FAM135B: variants seen among roughly 807,000 people sequenced by gnomAD.
The protein encoded by FAM135B is protein FAM135B.
Under a neutral mutation model 127.7 loss-of-function variants are expected in FAM135B, and 43 were observed. That is an observed-to-expected ratio of 0.34 (90% CI 0.26 to 0.43). FAM135B has a LOEUF of 0.43. FAM135B is among the 20% of genes least tolerant of loss of function. The pLI, the probability that FAM135B is intolerant of heterozygous loss-of-function variation, is 1.00. For missense variants in FAM135B, 1,558 were observed against 1,725.6 expected, an observed-to-expected ratio of 0.90 and a Z score of 1.72; for synonymous variants, 670 against 665.1, an observed-to-expected ratio of 1.01 and a Z score of -0.11.
chr8:138,474,912 T>C (rs139761099), intron 1 of FAM135B, among the ~76,000 whole-genome samples: 1 of 152,238 alleles, frequency 6.6e-6, no homozygotes, highest in African/African-American at 2.4e-5. Context: ...AATAAAGTAA[T>C]TCACATACTA....
intron 2 of FAM135B, among the ~76,000 whole-genome samples, chr8:138,335,541 C>T (rs1332733272): frequency 6.6e-6 from 1 of 152,114 alleles, no homozygotes; most frequent in Non-Finnish European, 1.5e-5. Context: ...GGGATCAATT[C>T]AACAAGAAGA....
chr8:138,211,838 C>T (rs1332081208), intron 7 of FAM135B, among the ~76,000 whole-genome samples: 2 of 152,114 alleles, frequency 1.3e-5, no homozygotes, highest in Non-Finnish European at 2.9e-5. Context: ...GAGGCTGAGG[C>T]AGGTGGATCA....
At chr8:138,379,280 G>A (rs961562542) in intron 1 of FAM135B, among the ~76,000 whole-genome samples, 5 of 152,072 alleles carry the variant, frequency 3.3e-5, no homozygotes, top group Non-Finnish European at 5.9e-5. Flanking sequence ...TACCCTAATC[G>A]AATTTTAGTG....
chr8:138,182,430 C>T (rs372686400), intron 9 of FAM135B, among the ~76,000 whole-genome samples: 3 of 152,138 alleles, frequency 2.0e-5, no homozygotes, highest in African/African-American at 4.8e-5. Flanking sequence ...CTGCCATCCA[C>T]GCCTGCCACA....
chr8:138,497,465 C>T (rs1815441840), upstream of FAM135B, among the ~76,000 whole-genome samples: 1 of 152,102 alleles, frequency 6.6e-6, no homozygotes, highest in South Asian at 2.1e-4. Flanking sequence ...GCTCCCCTCT[C>T]GAGCCAAGAC....
intron 3 of FAM135B, among the ~76,000 whole-genome samples, chr8:138,296,112 G>C (rs1435159972): frequency 1.3e-5 from 2 of 152,136 alleles, no homozygotes; most frequent in African/African-American, 2.4e-5. Flanking sequence ...TTTCACTGTG[G>C]ACTGAGACTT....
At chr8:138,482,302 C>G (rs887463254) in intron 1 of FAM135B, among the ~76,000 whole-genome samples, 1 of 151,946 alleles carries the variant, frequency 6.6e-6, no homozygotes. Context: ...AAGTACGTGG[C>G]CACGAGGGCC....
chr8:138,203,907 T>G (rs1817355553), intron 7 of FAM135B, among the ~76,000 whole-genome samples: 1 of 152,124 alleles, frequency 6.6e-6, no homozygotes, highest in Non-Finnish European at 1.5e-5. Context: ...TAGATTCTCA[T>G]AAGGAATGGG....
intron 7 of FAM135B, among the ~76,000 whole-genome samples, chr8:138,233,099 C>T (rs747711485): frequency 6.6e-6 from 1 of 152,114 alleles, no homozygotes; most frequent in Non-Finnish European, 1.5e-5. Flanking sequence ...TATGGAATTA[C>T]AAATGATCTC....
intron 12 of FAM135B, 96 bp downstream of exon 12, chr8:138,167,799 G>A: frequency 7.4e-7 from 1 of 1,347,174 alleles, no homozygotes; most frequent in Non-Finnish European, 1.0e-6. Flanking sequence ...CATTAATTTG[G>A]TCTCACTTTT....
At chr8:138,337,512 C>T (rs958383605) in intron 2 of FAM135B, among the ~76,000 whole-genome samples, 5 of 151,678 alleles carry the variant, frequency 3.3e-5, no homozygotes, top group African/African-American at 1.2e-4. Context: ...TTCACAATTG[C>T]TTCAAAGAGA....
chr8:138,238,592 T>C (rs1252998472), intron 7 of FAM135B, among the ~76,000 whole-genome samples: 1 of 152,226 alleles, frequency 6.6e-6, no homozygotes, highest in Non-Finnish European at 1.5e-5. Flanking sequence ...AATCAGCTCG[T>C]ATTGCTATGA....
intron 1 of FAM135B, among the ~76,000 whole-genome samples, chr8:138,448,111 GA>G (rs36063170): frequency 0.018 from 2,596 of 141,532 alleles, 62 homozygotes; most frequent in East Asian, 0.079. Context: ...ACAGAGGTCA[GA>G]AAAAAAAAAA....
At chr8:138,383,743 T>C (rs961829002) in intron 1 of FAM135B, among the ~76,000 whole-genome samples, 11 of 152,204 alleles carry the variant, frequency 7.2e-5, no homozygotes, top group Non-Finnish European at 1.5e-4. Context: ...CTCTGATTTT[T>C]TATTCTTAAA....
At chr8:138,422,250 CAA>C (rs1318386640) in intron 1 of FAM135B, among the ~76,000 whole-genome samples, 1 of 152,042 alleles carries the variant, frequency 6.6e-6, no homozygotes. Context: ...GCAATTATAA[CAA>C]AAACTAAAAT....
chr8:138,150,670 AAATAAATAAAT>A (rs370449059), intron 13 of FAM135B, among the ~76,000 whole-genome samples: 105,129 of 151,528 alleles, frequency 0.69, 36,532 homozygotes, highest in East Asian at 0.77. Context: ...CTGTCTCAAT[AAATAAATAAAT>A]AAATAAATAA....
intron 2 of FAM135B, among the ~76,000 whole-genome samples, chr8:138,328,678 A>G (rs898261557): frequency 6.6e-6 from 1 of 152,190 alleles, no homozygotes; most frequent in African/African-American, 2.4e-5. Context: ...AGAGGATATA[A>G]GTGTAGTGGT....
At chr8:138,236,872 T>C (rs1820315340) in intron 7 of FAM135B, among the ~76,000 whole-genome samples, 1 of 152,202 alleles carries the variant, frequency 6.6e-6, no homozygotes, top group Non-Finnish European at 1.5e-5. Flanking sequence ...GTTTTATTCA[T>C]TGTCTTAGTC....
At chr8:138,143,150 G>T in intron 15 of FAM135B, 41 bp from the exon 16 acceptor site, 2 of 1,174,144 alleles carry the variant, frequency 1.7e-6, no homozygotes, top group Non-Finnish European at 1.3e-6. Flanking sequence ...TATGGTTGTG[G>T]CGGGGGCTGG....
Sources: allele counts gnomAD v4.1 joint callset (sites outside exome capture counted in the v4.1 genomes callset), GRCh38; gene constraint gnomAD v4.1.1; transcripts MANE v1.5; gene names NCBI Gene and HGNC (gene_info 2026-07-23, HGNC 2026-07-21).